The following OR51B5 variants were observed in gnomAD, a reference collection of about 807,000 sequenced individuals.
The protein encoded by OR51B5 is olfactory receptor family 51 subfamily B member 5.
For synonymous variants in OR51B5, 186 were observed against 144.8 expected (o/e 1.28, Z -2.04); for missense variants, 456 against 374.6 (o/e 1.22, Z -1.79).
At chr11:5,455,515 T>A (rs774334215) in intron 1 of OR51B5, 1 of 126,544 alleles carries the variant, frequency 7.9e-6, no homozygotes, top group Non-Finnish European at 1.6e-5. Context: ...TAAGTTTAGA[T>A]CTACTTGTAG....
chr11:5,423,107 T>A, intron 1 of OR51B5: 1 of 1,607,974 alleles, frequency 6.2e-7, no homozygotes, highest in Non-Finnish European at 8.5e-7. Context: ...GCAGATCCAA[T>A]GGGGAATGTT....
downstream of OR51B5, among the ~76,000 whole-genome samples, chr11:5,341,800 T>C (rs897700748): frequency 6.6e-6 from 1 of 152,166 alleles, no homozygotes; most frequent in Non-Finnish European, 1.5e-5. Flanking sequence ...CCAGCGTAGA[T>C]ATCTGAGGAT....
intron 1 of OR51B5, chr11:5,351,544 A>C (rs370581598): frequency 1.9e-6 from 3 of 1,613,550 alleles, no homozygotes; most frequent in Non-Finnish European, 2.5e-6. Context: ...CTTCCAGCTT[A>C]CTGGCTTCCC....
At chr11:5,440,601 A>G in intron 1 of OR51B5, 1 of 1,613,480 alleles carries the variant, frequency 6.2e-7, no homozygotes, top group Non-Finnish European at 8.5e-7. Flanking sequence ...GAACTTGAGA[A>G]TCCCTTTGCG....
intron 1 of OR51B5, among the ~76,000 whole-genome samples, chr11:5,353,734 A>C (rs1849139599): frequency 6.6e-6 from 1 of 152,272 alleles, no homozygotes; most frequent in African/African-American, 2.4e-5. Flanking sequence ...CCCAGTGACC[A>C]GTCAGCTGGA....
intron 1 of OR51B5, among the ~76,000 whole-genome samples, chr11:5,446,287 ACT>A (rs1850762454): frequency 7.0e-6 from 1 of 141,912 alleles, no homozygotes; most frequent in Non-Finnish European, 1.6e-5. Flanking sequence ...AAGTAGAATA[ACT>A]CTCATGAGGT....
At chr11:5,461,814 G>A (rs1053983207) in intron 1 of OR51B5, among the ~76,000 whole-genome samples, 1 of 152,200 alleles carries the variant, frequency 6.6e-6, no homozygotes, top group Non-Finnish European at 1.5e-5. Context: ...GGGCCAGAAA[G>A]GAGTCCTGGT....
At position 5,372,886 on chromosome 11, in the gene OR51B5, C is replaced by A. The variant is rs569786215; in HGVS notation, n.85-25976G>T. Among the ~76,000 whole-genome samples, 10 of 152,140 alleles carry A rather than the reference C, an allele frequency of 6.6e-5. No homozygotes were observed. In the East Asian group the frequency reaches 1.5e-3, roughly 23 times the overall value. The stretch of plus-strand genomic sequence containing the variant: ...CAAAACAATCTTGAGAAAGAAAAAC[C>A]AACTTGATGGCAGCACACGTTCTGA... On this transcript the variant is annotated intron_variant and non_coding_transcript_variant, in intron 1 of 4. Coordinates refer to the OR51B5 transcript ENST00000415970.
intron 1 of OR51B5, among the ~76,000 whole-genome samples, chr11:5,478,646 C>G (rs1269682524): frequency 6.7e-6 from 1 of 150,192 alleles, no homozygotes; most frequent in African/African-American, 2.4e-5. Flanking sequence ...CTAGAATAAC[C>G]AATACAGAGA....
intron 1 of OR51B5, among the ~76,000 whole-genome samples, chr11:5,437,031 G>T (rs1402751411): frequency 6.6e-6 from 1 of 152,120 alleles, no homozygotes; most frequent in Non-Finnish European, 1.5e-5. Context: ...GTGTGATGCT[G>T]TGCTGGTATT....
chr11:5,453,885 G>A (rs781587361), intron 1 of OR51B5: 1 of 1,614,188 alleles, frequency 6.2e-7, no homozygotes, highest in Non-Finnish European at 8.5e-7. Context: ...CTTGCGCTAT[G>A]CAACTGTGCT....
intron 1 of OR51B5, among the ~76,000 whole-genome samples, chr11:5,378,910 C>T (rs913499489): frequency 2.0e-5 from 3 of 150,954 alleles, no homozygotes; most frequent in African/African-American, 7.3e-5. Context: ...GTGGCGATTC[C>T]TCAGGGATCT....
chr11:5,459,758 G>A (rs1294029789), intron 1 of OR51B5, among the ~76,000 whole-genome samples: 4 of 152,128 alleles, frequency 2.6e-5, no homozygotes, highest in African/African-American at 7.2e-5. Context: ...GTGGAGAAAA[G>A]GGAATGCTTA....
chr11:5,381,130 CCT>C (rs769586646), intron 1 of OR51B5, among the ~76,000 whole-genome samples: 3 of 139,066 alleles, frequency 2.2e-5, no homozygotes, highest in Admixed American at 7.6e-5. Flanking sequence ...CCCCACCCCA[CCT>C]CTCTCTCTCT....
chr11:5,343,690 C>A, upstream of OR51B5: 1 of 523,836 alleles, frequency 1.9e-6, no homozygotes, highest in Non-Finnish European at 3.3e-6. Flanking sequence ...CTCAGGGTTA[C>A]TCATACTATT....
chr11:5,474,051 T>C (rs1229618389), intron 1 of OR51B5, among the ~76,000 whole-genome samples: 1 of 152,098 alleles, frequency 6.6e-6, no homozygotes, highest in Non-Finnish European at 1.5e-5. Context: ...TCCCAAACAT[T>C]TGAGATTTGA....
chr11:5,340,755 A>G (rs1848880986), downstream of OR51B5: 1 of 152,216 alleles, frequency 6.6e-6, no homozygotes, highest in South Asian at 2.1e-4. Context: ...GACTATACCA[A>G]TTAAAAATGT....
chr11:5,364,614 GTC>G (rs1356467022), intron 1 of OR51B5, among the ~76,000 whole-genome samples: 1 of 151,854 alleles, frequency 6.6e-6, no homozygotes, highest in South Asian at 2.1e-4. Flanking sequence ...GTATTTATGT[GTC>G]TCTCTCTTCC....
intron 1 of OR51B5, among the ~76,000 whole-genome samples, chr11:5,502,504 T>C (rs1846311599): frequency 6.6e-6 from 1 of 152,208 alleles, no homozygotes; most frequent in Admixed American, 6.5e-5. Flanking sequence ...ATTCTATCAT[T>C]CTAAAAATAC....
Sources: gnomAD v4.1 joint callset for allele counts (sites outside exome capture counted in the v4.1 genomes callset) on GRCh38, gnomAD v4.1.1 for gene constraint, MANE v1.5 for transcripts, NCBI Gene and HGNC (gene_info 2026-07-23, HGNC 2026-07-21) for gene names.